OR9Q1: variants seen among roughly 807,000 people sequenced by gnomAD.
OR9Q1 encodes olfactory receptor 9Q1.
For synonymous variants in OR9Q1, 153 were observed against 148.6 expected (o/e 1.03, Z -0.22); for missense variants, 374 against 378.8 (o/e 0.99, Z 0.11).
At chr11:58,044,131 T>A (rs1853193436) in intron 1 of OR9Q1, 4 of 152,230 alleles carry the variant, frequency 2.6e-5, no homozygotes, top group Admixed American at 6.5e-5. Context: ...AAGAATGAAT[T>A]TAATAGCCTC....
intron 1 of OR9Q1, among the ~76,000 whole-genome samples, chr11:58,054,122 T>G (rs1266843505): frequency 1.3e-5 from 2 of 152,198 alleles, no homozygotes; most frequent in African/African-American, 4.8e-5. Flanking sequence ...AATTTTTATT[T>G]GTTAATTATA....
intron 2 of OR9Q1, among the ~76,000 whole-genome samples, chr11:58,063,483 A>T (rs545157888): frequency 6.6e-6 from 1 of 152,326 alleles, no homozygotes; most frequent in South Asian, 2.1e-4. Context: ...TTCTACTAGT[A>T]AATATCCAGT....
At chr11:58,048,677 A>ATATATATATATATATAT (rs796426109) in intron 1 of OR9Q1, among the ~76,000 whole-genome samples, 14 of 109,846 alleles carry the variant, frequency 1.3e-4, no homozygotes, top group African/African-American at 4.6e-4. Flanking sequence ...CTTAAAAAAA[A>ATATATATATATATATAT]AAATATATAT....
intron 2 of OR9Q1, among the ~76,000 whole-genome samples, chr11:58,074,436 C>T (rs533061196): frequency 1.0e-3 from 159 of 152,114 alleles, no homozygotes; most frequent in African/African-American, 3.7e-3. Flanking sequence ...TATCCTTTGC[C>T]CACTTTTTGA....
intron 2 of OR9Q1, among the ~76,000 whole-genome samples, chr11:58,066,245 T>C (rs74484814): frequency 1.3e-5 from 2 of 152,152 alleles, no homozygotes; most frequent in East Asian, 1.9e-4. Context: ...GCAGCCCGGA[T>C]GAACATATCT....
rs545941354 is a variant in OR9Q1, at chr11:58,139,552, C to A, written c.-14-39879C>A. 6.6e-5 allele frequency among the ~76,000 whole-genome samples: 10 copies of A among 151,876 alleles called. No individual in the cohort carries two copies. The East Asian group carries it at 1.5e-3, about 24-fold the overall frequency. On this transcript the variant is annotated intron_variant, in intron 2 of 2. Transcript: ENST00000335397. ...TGTGGTGTTTGGTTTTTTGTCTTTG[C>A]GATAGTTTGCTGAGAATGATGGTTT...
intron 2 of OR9Q1, among the ~76,000 whole-genome samples, chr11:58,165,667 A>G (rs1590623761): frequency 6.6e-6 from 1 of 152,294 alleles, no homozygotes; most frequent in Non-Finnish European, 1.5e-5. Context: ...CCAGTCCACT[A>G]TCTGACACTC....
At chr11:58,133,554 T>G (rs1202754091) in intron 2 of OR9Q1, among the ~76,000 whole-genome samples, 1 of 152,218 alleles carries the variant, frequency 6.6e-6, no homozygotes, top group African/African-American at 2.4e-5. Flanking sequence ...CATCTTTGTG[T>G]CTTGGTTTCC....
intron 1 of OR9Q1, among the ~76,000 whole-genome samples, chr11:58,030,366 A>G (rs1853019437): frequency 6.6e-6 from 1 of 152,166 alleles, no homozygotes; most frequent in African/African-American, 2.4e-5. Flanking sequence ...AGGAGATGTC[A>G]ACATGTAGAT....
intron 2 of OR9Q1, among the ~76,000 whole-genome samples, chr11:58,166,086 TTTTA>T: frequency 6.6e-6 from 1 of 152,342 alleles, no homozygotes; most frequent in Non-Finnish European, 1.5e-5. Flanking sequence ...TACTAACTTT[TTTTA>T]TTGCAATAGA....
chr11:58,119,254 C>T (rs770850137), intron 2 of OR9Q1: 1 of 1,613,940 alleles, frequency 6.2e-7, no homozygotes, highest in Non-Finnish European at 8.5e-7. Context: ...GGAGAGGTGG[C>T]TCAGGAAGAA....
chr11:58,155,919 C>T (rs970107), intron 2 of OR9Q1, among the ~76,000 whole-genome samples: 144,306 of 147,148 alleles, frequency 0.98, 70,775 homozygotes, highest in East Asian at 1. Context: ...CTTTTCCTTC[C>T]TTTTTTTTTT....
chr11:58,167,080 C>T (rs1179961689), intron 2 of OR9Q1, among the ~76,000 whole-genome samples: 1 of 152,168 alleles, frequency 6.6e-6, no homozygotes, highest in Non-Finnish European at 1.5e-5. Context: ...TACACATTGG[C>T]TTCCTTATTA....
chr11:58,125,875 A>C (rs12788387), intron 2 of OR9Q1, among the ~76,000 whole-genome samples: 38,907 of 152,098 alleles, frequency 0.26, 5,444 homozygotes, highest in Middle Eastern at 0.41. Flanking sequence ...CCACTGGCTC[A>C]CCATTCCCAA....
intron 2 of OR9Q1, among the ~76,000 whole-genome samples, chr11:58,104,810 T>C (rs917597858): frequency 3.9e-5 from 6 of 152,158 alleles, no homozygotes; most frequent in African/African-American, 1.4e-4. Flanking sequence ...CCGGACAGTA[T>C]AGCTATTAAA....
intron 2 of OR9Q1, chr11:58,118,861 A>C: frequency 2.5e-6 from 4 of 1,614,034 alleles, no homozygotes; most frequent in Non-Finnish European, 3.4e-6. Context: ...GACAATCTCG[A>C]TGTTTGCTGT....
At chr11:58,172,178 G>T (rs1035786490) in intron 2 of OR9Q1, among the ~76,000 whole-genome samples, 5 of 152,104 alleles carry the variant, frequency 3.3e-5, no homozygotes, top group African/African-American at 1.2e-4. Flanking sequence ...TGAATGATTT[G>T]TAATTTTGTC....
At chr11:58,177,161 G>T (rs1383329409) in intron 2 of OR9Q1, among the ~76,000 whole-genome samples, 1 of 152,184 alleles carries the variant, frequency 6.6e-6, no homozygotes, top group Non-Finnish European at 1.5e-5. Flanking sequence ...CTCTGCCAAA[G>T]AACTTACTGT....
At position 58,055,955 on chromosome 11, in the gene OR9Q1, A is replaced by G. The variant is rs895978404; in HGVS notation, c.-15+8A>G. 1.3e-5 allele frequency: 2 copies of G among 152,468 alleles called. No homozygotes were observed. Among genetic ancestry groups the G allele is most frequent in the African/African-American group, 4.8e-5 (2 of 41,414 alleles). The allele number at this position is 152,468 out of a possible 1,614,324, so 9.4% of individuals were successfully genotyped here. A position where few individuals can be genotyped will look rare whatever the true frequency, so the allele number is the denominator to read the frequency against. On this transcript the variant is annotated splice_region_variant and intron_variant, in intron 2 of 2. Transcript: ENST00000335397. ...TTCCCAGCCTCCTGAACTGTAAGCA[A>G]TATATTTCTATTATTTATAAGTTAC...
Sources: allele counts gnomAD v4.1 joint callset (sites outside exome capture counted in the v4.1 genomes callset), GRCh38; gene constraint gnomAD v4.1.1; transcripts MANE v1.5; gene names NCBI Gene and HGNC (gene_info 2026-07-23, HGNC 2026-07-21).